The following GUCA2A variants were observed in gnomAD, a reference collection of about 807,000 sequenced individuals.
GUCA2A encodes guanylate cyclase activator 2A, also known as guanylin.
GUCA2A carries 17 observed loss-of-function variants against 11.2 expected under a neutral mutation model. The observed-to-expected ratio is 1.52, with a 90% CI of 1.04 to 2.28. The LOEUF (loss-of-function observed/expected upper bound fraction) is 2.28. GUCA2A is among the 30% of genes most tolerant of loss of function. GUCA2A has a pLI of 0.00. For missense variants in GUCA2A, 173 were observed against 139.3 expected (o/e 1.24, Z -1.22); for synonymous variants, 64 against 57.1 (o/e 1.12, Z -0.54).
rs1304219594 is a variant in GUCA2A, at chr1:42,163,475, T to A, written c.211A>T (p.Asn71Tyr). ...TTGAGTTCTTCTGGAAAGTTCGGGT[T>A]GCTACAGAGGATGGGAACCACAGGT... ...GEPVVPILCS[N>Y]PNFPEELKPL... The change falls in exon 2 of 3, where the codon AAC becomes TAC. Residue 71 changes from asparagine to tyrosine, a missense_variant. Coordinates refer to ENST00000357001, the MANE Select transcript of GUCA2A (RefSeq NM_033553.3). 1 of 1,613,914 alleles carries A rather than the reference T, an allele frequency of 6.2e-7. No individual in the cohort carries two copies. Among genetic ancestry groups the A allele is most frequent in the Non-Finnish European group, 8.5e-7 (1 of 1,179,892 alleles).
chr1:42,164,652 C>G lies in GUCA2A; in HGVS notation c.61G>C (p.Gly21Arg), dbSNP rs901572510. 6 of 1,549,142 alleles carry G rather than the reference C, an allele frequency of 3.9e-6. No individual in the cohort carries two copies. The highest frequency in any genetic ancestry group is 3.9e-5 in the Admixed American group (2 of 51,018). ...LLGAWAALAG[G>R]VTVQDGNFSF... The stretch of plus-strand genomic sequence containing the variant: ...ACAGGACTCACCTGCACGGTGACCC[C>G]TCCTGCCAAGGCGGCCCAGGCCCCA... The change falls in exon 1 of 3, where the codon GGG becomes CGG. Residue 21 changes from glycine (G) to arginine (R), a missense_variant. Physicochemically the swap from Gly to Arg is moderately radical, Grantham distance 125. Transcript: ENST00000357001.
At position 42,162,805 on chromosome 1, in the gene GUCA2A, G is replaced by A. The variant is rs1646134882; in HGVS notation, c.*101C>T. The A allele has an allele frequency of 4.2e-6, 4 of 955,794 alleles. No homozygotes were observed. Among genetic ancestry groups the A allele is most frequent in the African/African-American group, 1.6e-5 (1 of 62,348 alleles). The allele number at this position is 955,794 out of a possible 1,614,324, so 59.2% of individuals were successfully genotyped here. A position where few individuals can be genotyped will look rare whatever the true frequency, so the allele number is the denominator to read the frequency against. Reference sequence around the variant, plus strand: ...GGCTGCTCCTCCCGACTGGACCAGGGTAGGTTGAGCTGCTGGGAGTGGAGT... The same window carrying A: ...GGCTGCTCCTCCCGACTGGACCAGGATAGGTTGAGCTGCTGGGAGTGGAGT... On this transcript the variant is annotated 3_prime_UTR_variant, in exon 3 of 3. Coordinates refer to ENST00000357001, the MANE Select transcript of GUCA2A (RefSeq NM_033553.3).
In GUCA2A at chr1:42,164,673, C is replaced by T. The variant is rs1231793322; in HGVS notation, c.40G>A (p.Ala14Thr). Residue 14 changes from alanine (A) to threonine (T), a missense_variant, in exon 1 of 3, where the codon GCC (alanine) becomes ACC (threonine). Transcript: ENST00000357001. Reference protein sequence around the residue: ...FLLSALCLLGAWAALAGGVTV... With the variant: ...FLLSALCLLGTWAALAGGVTV... ...ACCCCTCCTGCCAAGGCGGCCCAGG[C>T]CCCAAGGAGGCACAGTGCGGAGAGC... 33 of 1,551,396 alleles carry T rather than the reference C, an allele frequency of 2.1e-5. No individual in the cohort carries two copies. The highest frequency in any genetic ancestry group is 2.8e-5 in the Non-Finnish European group (32 of 1,146,792).
At chr1:42,163,107 T>G (rs1646136804) in intron 2 of GUCA2A, 137 bp from the exon 3 acceptor site, 3 of 715,970 alleles carry the variant, frequency 4.2e-6, no homozygotes, top group Non-Finnish European at 7.3e-6. Context: ...TACTGGGCTT[T>G]TCGCCCCAAA....
In GUCA2A at chr1:42,163,506, A is replaced by C; in HGVS notation, c.180T>G (p.Pro60=). 1 of 1,613,640 alleles carries C rather than the reference A, an allele frequency of 6.2e-7. No homozygotes were observed. Among genetic ancestry groups the C allele is most frequent in the Non-Finnish European group, 8.5e-7 (1 of 1,179,512 alleles). The change falls in exon 2 of 3, where the codon CCT becomes CCG. Residue 60 remains proline (P), a synonymous_variant. Coordinates refer to ENST00000357001, the MANE Select transcript of GUCA2A (RefSeq NM_033553.3). ...AGAGGATGGGAACCACAGGTTCACC[A>C]GGGATGGGTGCAAAGTTCCTGAGTT... ...VGKLRNFAPI[P]GEPVVPILCS... is the part of the protein sequence containing the mutation.
chr1:42,163,690 G>A, intron 1 of GUCA2A, 80 bp from the exon 2 acceptor site: 1 of 889,596 alleles, frequency 1.1e-6, no homozygotes, highest in East Asian at 2.6e-5. Context: ...CCCCGGTCCA[G>A]CCCAGTGGTG....
intron 2 of GUCA2A, 47 bp downstream of exon 2, chr1:42,163,356 A>G (rs776384590): frequency 8.1e-7 from 1 of 1,234,754 alleles, no homozygotes; most frequent in Non-Finnish European, 1.2e-6. Flanking sequence ...AAGTGCCACC[A>G]CAGTATTCCC....
rs1646139503 is a variant in GUCA2A at position 42,163,533 on chromosome 1, C to T, written c.153G>A (p.Gly51=). The stretch of plus-strand genomic sequence containing the variant: ...GGATGGGTGCAAAGTTCCTGAGTTT[C>T]CCAACCCTGGGCTCCTGGGGCTCCT... ...DLQEPQEPRV[G]KLRNFAPIPG... is the part of the protein sequence containing the mutation. The change falls in exon 2 of 3, where the codon GGG becomes GGA. Residue 51 remains glycine, a synonymous_variant. Coordinates refer to ENST00000357001, the MANE Select transcript of GUCA2A (RefSeq NM_033553.3). 1 of 1,613,696 alleles carries T rather than the reference C, an allele frequency of 6.2e-7. No homozygotes were observed. The highest frequency in any genetic ancestry group is 1.7e-5 in the Admixed American group (1 of 60,016).
At chr1:42,163,703 C>A in intron 1 of GUCA2A, 93 bp from the exon 2 acceptor site, 2 of 800,222 alleles carry the variant, frequency 2.5e-6, no homozygotes, top group Non-Finnish European at 4.0e-6. Flanking sequence ...CAGTGGTGCT[C>A]ACAGGCAGTG....
chr1:42,164,358 G>C lies in GUCA2A; in HGVS notation c.75+280C>G, dbSNP rs117500222. Among the ~76,000 whole-genome samples the C allele has an allele frequency of 1.3e-3, 203 of 152,372 alleles. 1 individual carries two copies. In the East Asian group the frequency reaches 0.034, roughly 25 times the overall value. On this transcript the variant is annotated intron_variant, in intron 1 of 2. Transcript: ENST00000357001. ...GTTGATAGTGGAGCCACAGTGAGGG[G>C]CTGGGGAAGGAGCCGGCACATAGGA... is the stretch of plus-strand genomic sequence containing the variant.
chr1:42,163,348 G>A, intron 2 of GUCA2A, 55 bp downstream of exon 2: 1 of 1,139,162 alleles, frequency 8.8e-7, no homozygotes, highest in Non-Finnish European at 1.3e-6. Flanking sequence ...TCTTCCTCAA[G>A]TGCCACCACA....
chr1:42,163,625 C>G lies in GUCA2A; in HGVS notation c.76-15G>C. ...AAATTTCCATCCTGGAAGAGAGAAG[C>G]CCAGAGCATGAGGCCAGGCTGCAGC... On this transcript the variant is annotated splice_polypyrimidine_tract_variant and intron_variant, in intron 1 of 2. Transcript: ENST00000357001. 1 of 1,581,788 alleles carries G rather than the reference C, an allele frequency of 6.3e-7. No individual in the cohort carries two copies. The highest frequency in any genetic ancestry group is 8.7e-7 in the Non-Finnish European group (1 of 1,154,672).
At position 42,162,751 on chromosome 1, in the gene GUCA2A, G is replaced by A. The variant is rs532014431; in HGVS notation, c.*155C>T. 8 of 645,730 alleles carry A rather than the reference G, an allele frequency of 1.2e-5. No individual in the cohort carries two copies. In the East Asian group the frequency reaches 1.3e-4, roughly 11 times the overall value. 40.0% of individuals were successfully genotyped at this position (645,730 alleles called of 1,614,324 possible). On this transcript the variant is annotated 3_prime_UTR_variant, in exon 3 of 3. Transcript: ENST00000357001. Reference sequence around the variant, plus strand: ...TGGCAGGGAAGGACAGTGTTGGGGCGAGGCCTCCAGTCACCCAGTTCCTCC... The same window carrying A: ...TGGCAGGGAAGGACAGTGTTGGGGCAAGGCCTCCAGTCACCCAGTTCCTCC...
Position 42,162,920 on chromosome 1 carries a change from A to G in GUCA2A, c.334T>C (p.Cys112Arg). The change falls in exon 3 of 3, where the codon TGT (cysteine) becomes CGT (arginine). Residue 112 changes from cysteine to arginine, a missense_variant. By Grantham distance (180) the Cys-to-Arg change is radical (BLOSUM62 -3). Transcript: ENST00000357001. ...GTCEICAYAA[C>R]TGC Reference sequence around the variant, plus strand: ...GGCAAGCCCCCCTAGCATCCGGTACAGGCAGCGTAGGCACAGATTTCACAT... The same window carrying G: ...GGCAAGCCCCCCTAGCATCCGGTACGGGCAGCGTAGGCACAGATTTCACAT... 1 of 1,613,478 alleles carries G rather than the reference A, an allele frequency of 6.2e-7. No individual in the cohort carries two copies. The highest frequency in any genetic ancestry group is 1.1e-5 in the South Asian group (1 of 91,070).
rs755401721 is a variant in GUCA2A, at chr1:42,162,865, T to C, written c.*41A>G. ...GGCCCTTTCTGCAGGAGAAAAGAGC[T>C]TCCCTGCTGCGGAGGGGAGGCAGGC... is the stretch of plus-strand genomic sequence containing the variant. On this transcript the variant is annotated 3_prime_UTR_variant, in exon 3 of 3. Transcript: ENST00000357001. 7.2e-6 allele frequency: 11 copies of C among 1,527,388 alleles called. No homozygotes were observed. The highest frequency in any genetic ancestry group is 9.1e-6 in the Non-Finnish European group (10 of 1,101,610). The allele number at this position is 1,527,388 out of a possible 1,614,324, so 94.6% of individuals were successfully genotyped here. A position where few individuals can be genotyped will look rare whatever the true frequency, so the allele number is the denominator to read the frequency against.
Position 42,163,470 on chromosome 1 carries a change from CG to C in GUCA2A, c.215del (p.Pro72ArgfsTer?). ...GAGGCTTGAGTTCTTCTGGAAAGTT[CG>C]GGTTGCTACAGAGGATGGGAACCAC... ...EPVVPILCSNPNFPEELKPLC... is the reference protein window; with the variant it reads ...EPVVPILCSNXNFPEELKPLC... On this transcript the variant is annotated frameshift_variant, in exon 2 of 3. Coordinates refer to ENST00000357001, the MANE Select transcript of GUCA2A (RefSeq NM_033553.3). LOFTEE classifies it high-confidence loss of function. 6.2e-7 allele frequency: 1 copy of C among 1,613,980 alleles called. No individual in the cohort carries two copies. The highest frequency in any genetic ancestry group is 8.5e-7 in the Non-Finnish European group (1 of 1,179,878).
chr1:42,163,654 C>G, intron 1 of GUCA2A, 44 bp from the exon 2 acceptor site: 1 of 1,392,870 alleles, frequency 7.2e-7, no homozygotes. Context: ...CTGCAGCCTG[C>G]TTCCTGGCTG....
chr1:42,163,352 C>T, intron 2 of GUCA2A, 51 bp downstream of exon 2: 1 of 1,189,288 alleles, frequency 8.4e-7, no homozygotes, highest in Non-Finnish European at 1.2e-6. Context: ...CCTCAAGTGC[C>T]ACCACAGTAT....
intron 2 of GUCA2A, 115 bp from the exon 3 acceptor site, chr1:42,163,085 C>T (rs1646136744): frequency 9.7e-6 from 8 of 824,856 alleles, no homozygotes; most frequent in Non-Finnish European, 1.6e-5. Flanking sequence ...TCAGCAGGCC[C>T]GTACTCTGAC....
Sources: gnomAD v4.1 joint callset for allele counts (sites outside exome capture counted in the v4.1 genomes callset) on GRCh38, gnomAD v4.1.1 for gene constraint, MANE v1.5 for transcripts, NCBI Gene and HGNC (gene_info 2026-07-23, HGNC 2026-07-21) for gene names.